Variants in KIR3DL2 observed in about 807,000 individuals in gnomAD.
KIR3DL2 encodes killer cell immunoglobulin like receptor, three Ig domains and long cytoplasmic tail 2, also known as killer cell immunoglobulin-like receptor 3DL2.
Under a neutral mutation model 41.6 loss-of-function variants are expected in KIR3DL2, and 42 were observed. The observed-to-expected ratio is 1.01, with a 90% CI of 0.79 to 1.31. The LOEUF (loss-of-function observed/expected upper bound fraction) is 1.31. Among genes scored for constraint, KIR3DL2 ranks in the 50% most tolerant of loss-of-function variants. KIR3DL2 has a pLI of 0.00. For synonymous variants in KIR3DL2, 230 were observed against 221.3 expected (o/e 1.04, Z -0.35); for missense variants, 728 against 576.8 (o/e 1.26, Z -2.68).
intron 6 of KIR3DL2, among the ~76,000 whole-genome samples, chr19:54,865,266 T>C (rs2065424281): frequency 6.6e-6 from 1 of 152,018 alleles, no homozygotes; most frequent in Non-Finnish European, 1.5e-5. Context: ...ACTGGAAGCA[T>C]GGCACCAGCA....
At chr19:54,851,323 A>C (rs1601717843) in intron 2 of KIR3DL2, 68 bp downstream of exon 2, 10 of 1,532,804 alleles carry the variant, frequency 6.5e-6, no homozygotes, top group Middle Eastern at 2.0e-4. Flanking sequence ...AACAGGAGGG[A>C]AGTCCTGTCG....
chr19:54,855,491 T>C (rs1458739348), intron 4 of KIR3DL2, 128 bp from the exon 5 acceptor site: 1 of 1,359,894 alleles, frequency 7.4e-7, no homozygotes, highest in Non-Finnish European at 9.9e-7. Flanking sequence ...TGAAGAGAGT[T>C]GGGGTGGAGG....
At chr19:54,859,268 C>G in intron 6 of KIR3DL2, 139 bp downstream of exon 6, 1 of 913,430 alleles carries the variant, frequency 1.1e-6, no homozygotes, top group African/African-American at 1.7e-5. Flanking sequence ...GACACTCCAA[C>G]AGTGAAAGGG....
chr19:54,862,802 C>CTTTTTTTTT (rs1210198153), intron 6 of KIR3DL2, among the ~76,000 whole-genome samples: 21 of 79,764 alleles, frequency 2.6e-4, no homozygotes, highest in African/African-American at 4.6e-4. Context: ...TGGGTTACTT[C>CTTTTTTTTT]TTTTTTTTTT....
At chr19:54,854,664 T>A (rs2064591436) in intron 4 of KIR3DL2, among the ~76,000 whole-genome samples, 1 of 151,632 alleles carries the variant, frequency 6.6e-6, no homozygotes, top group African/African-American at 2.4e-5. Flanking sequence ...GACACAGAGA[T>A]AAATCAGGGA....
In KIR3DL2 at chr19:54,866,642, G is replaced by A. The variant is rs377223138; in HGVS notation, c.1279G>A (p.Val427Met). The change falls in exon 9 of 9, where the codon GTG becomes ATG. Residue 427 changes from valine to methionine, a missense_variant. By Grantham distance (21) the Val-to-Met change is conservative. Transcript: ENST00000326321. ...CAAGACACCCCTAACAGATACCAGC[G>A]TGTACACGGAACTTCCAAATGCTGA... ...RPKTPLTDTSVYTELPNAEPR... is the reference protein window; with the variant it reads ...RPKTPLTDTSMYTELPNAEPR... 2.0e-5 allele frequency: 33 copies of A among 1,613,764 alleles called. No homozygotes were observed. The highest frequency in any genetic ancestry group is 5.5e-5 in the South Asian group (5 of 91,072).
Position 54,854,025 on chromosome 19 carries a change from C to A in KIR3DL2, c.634C>A (p.Pro212Thr). Residue 212 changes from proline to threonine, a missense_variant, in exon 4 of 9, where the codon CCC (proline) becomes ACC (threonine). Pro to Thr is a conservative substitution (Grantham distance 38). Transcript: ENST00000326321. ...CTATCAGTTGTCAGCTCCCAGTGAC[C>A]CCCTGGACATCGTGATCACAGGTGA... is the stretch of plus-strand genomic sequence containing the variant. ...SPYQLSAPSD[P>T]LDIVITGLYE... The A allele has an allele frequency of 6.2e-7, 1 of 1,613,030 alleles. No individual in the cohort carries two copies. The highest frequency in any genetic ancestry group is 1.3e-5 in the African/African-American group (1 of 74,564).
At chr19:54,865,551 G>C (rs1259870530) in intron 6 of KIR3DL2, among the ~76,000 whole-genome samples, 1 of 152,036 alleles carries the variant, frequency 6.6e-6, no homozygotes, top group African/African-American at 2.4e-5. Context: ...CCACACTGGG[G>C]GTTAAATTTC....
rs199720113 is a variant in KIR3DL2 at position 54,852,914 on chromosome 19, A to G, written c.355+632A>G. 9.5e-4 allele frequency among the ~76,000 whole-genome samples: 141 copies of G among 148,538 alleles called. 2 individuals carry two copies. The East Asian group carries it at 0.025, about 26-fold the overall frequency. On this transcript the variant is annotated intron_variant, in intron 3 of 8. Coordinates refer to ENST00000326321, the MANE Select transcript of KIR3DL2 (RefSeq NM_006737.4). ...TAATTTTCTGCAGCAGCAACAGGAA[A>G]CCGACACAGGAACCCAGGTCAAGGA...
chr19:54,863,163 TG>T (rs1393985909), intron 6 of KIR3DL2, among the ~76,000 whole-genome samples: 1 of 151,796 alleles, frequency 6.6e-6, no homozygotes, highest in Non-Finnish European at 1.5e-5. Flanking sequence ...ATTTCATCCA[TG>T]TCCCTGCAAA....
At chr19:54,856,251 A>G (rs1177948013) in intron 5 of KIR3DL2, among the ~76,000 whole-genome samples, 1 of 151,366 alleles carries the variant, frequency 6.6e-6, no homozygotes, top group African/African-American at 2.4e-5. Flanking sequence ...CTGGCCTCTC[A>G]CCCACACAGA....
intron 5 of KIR3DL2, among the ~76,000 whole-genome samples, chr19:54,858,717 G>C (rs532683518): frequency 5.3e-5 from 8 of 151,454 alleles, no homozygotes; most frequent in African/African-American, 1.9e-4. Flanking sequence ...GACAGAGCAA[G>C]ATTCTATCAC....
chr19:54,864,370 G>A (rs2065366357), intron 6 of KIR3DL2, among the ~76,000 whole-genome samples: 1 of 152,050 alleles, frequency 6.6e-6, no homozygotes, highest in Non-Finnish European at 1.5e-5. Flanking sequence ...GAACTTTAAG[G>A]TAGTTTTTTC....
In KIR3DL2 at chr19:54,855,621, C is replaced by A; in HGVS notation, c.658C>A (p.Leu220Ile). Residue 220 changes from leucine (L) to isoleucine (I), a missense_variant and splice_region_variant, in exon 5 of 9, where the codon CTA becomes ATA. Coordinates refer to ENST00000326321, the MANE Select transcript of KIR3DL2 (RefSeq NM_006737.4). Reference protein sequence around the residue: ...SDPLDIVITGLYEKPSLSAQP... With the variant: ...SDPLDIVITGIYEKPSLSAQP... ...GAAACTGCCTCTTCTCCTTCCAGGT[C>A]TATATGAGAAACCTTCTCTCTCAGC... 1 of 1,612,682 alleles carries A rather than the reference C, an allele frequency of 6.2e-7. No homozygotes were observed. Among genetic ancestry groups the A allele is most frequent in the Non-Finnish European group, 8.5e-7 (1 of 1,179,738 alleles).
At position 54,851,350 on chromosome 19, in the gene KIR3DL2, C is replaced by T. The variant is rs1260133398; in HGVS notation, c.70+95C>T. On this transcript the variant is annotated intron_variant, in intron 2 of 8. Coordinates refer to ENST00000326321, the MANE Select transcript of KIR3DL2 (RefSeq NM_006737.4). ...GTCCTGTCGGGGAGTCTCTCATAAA[C>T]TAGGAAGAGGGGACCCTTGGATACT... 2.2e-6 allele frequency: 3 copies of T among 1,384,940 alleles called. No homozygotes were observed. The African/African-American group carries it at 4.4e-5, about 20-fold the overall frequency. 85.8% of individuals were successfully genotyped at this position (1,384,940 alleles called of 1,614,324 possible).
chr19:54,860,269 G>C (rs2065078869), intron 6 of KIR3DL2, among the ~76,000 whole-genome samples: 1 of 152,108 alleles, frequency 6.6e-6, no homozygotes, highest in African/African-American at 2.4e-5. Flanking sequence ...CACTGATCTT[G>C]CAGATGGTTA....
chr19:54,866,894 C>A lies in KIR3DL2; in HGVS notation c.*163C>A. 2.5e-6 allele frequency: 2 copies of A among 802,398 alleles called. No individual in the cohort carries two copies. Among genetic ancestry groups the A allele is most frequent in the Non-Finnish European group, 4.0e-6 (2 of 502,642 alleles). 49.7% of individuals were successfully genotyped at this position (802,398 alleles called of 1,614,324 possible). A position where few individuals can be genotyped will look rare whatever the true frequency, so the allele number is the denominator to read the frequency against. ...AAATGCCTAAGGTCGCCACTGCCTG[C>A]TGCAGAGAAAACACACTCCTTTGCT... On this transcript the variant is annotated 3_prime_UTR_variant, in exon 9 of 9. Transcript: ENST00000326321.
At position 54,852,144 on chromosome 19, in the gene KIR3DL2, G is replaced by C. The variant is rs149778550; in HGVS notation, c.217G>C (p.Gly73Arg). The C allele has an allele frequency of 1.2e-6, 2 of 1,612,956 alleles. No homozygotes were observed. Among genetic ancestry groups the C allele is most frequent in the South Asian group, 2.2e-5 (2 of 91,066 alleles). ...CAGAAGCCACGTTCCCATCTTCCAC[G>C]GCAGAATATTCCAGGAGAGCTTCAT... The part of the protein sequence containing the change: ...EDRSHVPIFH[G>R]RIFQESFIMG... Residue 73 changes from glycine (G) to arginine (R), a missense_variant, in exon 3 of 9, where the codon GGC becomes CGC. Transcript: ENST00000326321.
Position 54,851,731 on chromosome 19 carries a change from C to T in KIR3DL2, c.71-267C>T, listed in dbSNP as rs1044521837. On this transcript the variant is annotated intron_variant, in intron 2 of 8. Transcript: ENST00000326321. The stretch of plus-strand genomic sequence containing the variant: ...TTCACATAGGACATGCCCTCCATGC[C>T]GTGTCTACTTTGTGTTGTTTTATGT... Among the ~76,000 whole-genome samples, 14 of 151,856 alleles carry T rather than the reference C, an allele frequency of 9.2e-5. 1 individual carries two copies. The highest frequency in any genetic ancestry group is 8.5e-4 in the Admixed American group (13 of 15,292).
Sources: allele counts gnomAD v4.1 joint callset (sites outside exome capture counted in the v4.1 genomes callset), GRCh38; gene constraint gnomAD v4.1.1; transcripts MANE v1.5; gene names NCBI Gene and HGNC (gene_info 2026-07-23, HGNC 2026-07-21).